The following ERI3 variants were observed in gnomAD, a reference collection of about 807,000 sequenced individuals.
The protein encoded by ERI3 is ERI1 exoribonuclease family member 3, also known as ERI1 exoribonuclease 3.
In ERI3, 18 loss-of-function variants were observed where a neutral mutation model predicts 44.4. That is an observed-to-expected ratio of 0.41 (90% CI 0.28 to 0.60). The LOEUF is 0.60. ERI3 is among the 20% of genes least tolerant of loss of function. The pLI is 0.36. For missense variants in ERI3, 294 were observed against 435.5 expected (o/e 0.68, Z 2.89); for synonymous variants, 183 against 164.8 (o/e 1.11, Z -0.84).
chr1:44,240,463 G>A (rs1644409763), intron 8 of ERI3, among the ~76,000 whole-genome samples: 1 of 152,188 alleles, frequency 6.6e-6, no homozygotes, highest in South Asian at 2.1e-4. Context: ...TGGTGGAATG[G>A]AAGGAAAGCA....
intron 4 of ERI3, among the ~76,000 whole-genome samples, chr1:44,313,666 G>A (rs1366641338): frequency 6.6e-6 from 1 of 152,098 alleles, no homozygotes; most frequent in Admixed American, 6.6e-5. Context: ...ATACAGGAGA[G>A]GCACACTTGG....
intron 5 of ERI3, among the ~76,000 whole-genome samples, chr1:44,312,799 A>G (rs1184056618): frequency 6.6e-6 from 1 of 152,210 alleles, no homozygotes; most frequent in Non-Finnish European, 1.5e-5. Context: ...CTAAAGCTAA[A>G]CAAAAACACC....
In ERI3 at chr1:44,228,149, C is replaced by T. The variant is rs1286012844; in HGVS notation, c.932-6509G>A. On this transcript the variant is annotated intron_variant, in intron 8 of 8. Coordinates refer to ENST00000372257, the MANE Select transcript of ERI3 (RefSeq NM_024066.3). This position sits in a 1 kb window ranked among gnomAD's most constrained non-coding sequence, Gnocchi z 4.3. ...GACACACACTCCCTTCTCCCCACAG[C>T]CATGGCTCCCATAGCTTCCTACCCC... Among the ~76,000 whole-genome samples the T allele has an allele frequency of 1.3e-5, 2 of 151,912 alleles. No homozygotes were observed. The highest frequency in any genetic ancestry group is 2.9e-5 in the Non-Finnish European group (2 of 68,004).
chr1:44,276,624 A>C (rs1368037744), intron 7 of ERI3, among the ~76,000 whole-genome samples: 1 of 152,122 alleles, frequency 6.6e-6, no homozygotes, highest in Non-Finnish European at 1.5e-5. Context: ...CTCTAACCAT[A>C]ATCTCTAATC....
chr1:44,354,946 AG>A lies in ERI3; in HGVS notation c.80del (p.Pro27LeufsTer42). 7.5e-7 allele frequency: 1 copy of A among 1,335,292 alleles called. No individual in the cohort carries two copies. Among genetic ancestry groups the A allele is most frequent in the South Asian group, 2.6e-5 (1 of 38,558 alleles). 82.7% of individuals were successfully genotyped at this position (1,335,292 alleles called of 1,614,324 possible). A position where few individuals can be genotyped will look rare whatever the true frequency, so the allele number is the denominator to read the frequency against. ...TCCAAGTCCAGGGGAGAGTAAGGGG[AG>A]GGGCGGGGGGCCAGGAGACCAGCCC... ...EGGLVSWPPA[P>X]PLTLPWTWMG... is the part of the protein sequence containing the mutation. On this transcript the variant is annotated frameshift_variant, in exon 1 of 9. Coordinates refer to ENST00000372257, the MANE Select transcript of ERI3 (RefSeq NM_024066.3). LOFTEE classifies it high-confidence loss of function.
chr1:44,263,724 C>T (rs325171), intron 7 of ERI3, among the ~76,000 whole-genome samples: 63,901 of 151,958 alleles, frequency 0.42, 15,016 homozygotes, highest in African/African-American at 0.64. Flanking sequence ...TGGTGTCCTC[C>T]CTATTCTATG....
At chr1:44,291,000 G>A (rs1645495706) in intron 6 of ERI3, among the ~76,000 whole-genome samples, 1 of 152,142 alleles carries the variant, frequency 6.6e-6, no homozygotes, top group Non-Finnish European at 1.5e-5. Flanking sequence ...ATCTGCCCGT[G>A]ACACCTTTTA....
At chr1:44,337,178 G>T (rs1646551853) in intron 3 of ERI3, among the ~76,000 whole-genome samples, 2 of 152,162 alleles carry the variant, frequency 1.3e-5, no homozygotes, top group Admixed American at 1.3e-4. Context: ...TAATCTAACT[G>T]AAAAGGTAAG....
In ERI3 at chr1:44,227,604, T is replaced by C. The variant is rs374606210; in HGVS notation, c.932-5964A>G. ...TTATCTGAAATTCAGATTTAACTAG[T>C]GTCCTGTATTATTTGTAACCCTGTA... On this transcript the variant is annotated intron_variant, in intron 8 of 8. Transcript: ENST00000372257. Among the ~76,000 whole-genome samples the C allele has an allele frequency of 1.3e-4, 20 of 152,312 alleles. 1 individual carries two copies. In the East Asian group the frequency reaches 1.9e-3, roughly 15 times the overall value.
At chr1:44,352,411 TA>T (rs1329223853) in intron 2 of ERI3, among the ~76,000 whole-genome samples, 1 of 2,436 alleles carries the variant, frequency 4.1e-4, no homozygotes, top group Non-Finnish European at 1.4e-3. Flanking sequence ...GTCTCATAGA[TA>T]GATAGATAGA....
chr1:44,293,375 G>A (rs1197423503), intron 6 of ERI3, among the ~76,000 whole-genome samples: 1 of 152,214 alleles, frequency 6.6e-6, no homozygotes, highest in African/African-American at 2.4e-5. Flanking sequence ...GTCTTGGGAT[G>A]CCTTGTTGAG....
At chr1:44,225,672 C>T (rs1199105499) in intron 8 of ERI3, among the ~76,000 whole-genome samples, 1 of 152,160 alleles carries the variant, frequency 6.6e-6, no homozygotes, top group African/African-American at 2.4e-5. Context: ...ACAATCTCCA[C>T]ACAGAAGGGT....
intron 3 of ERI3, among the ~76,000 whole-genome samples, chr1:44,331,535 T>G (rs1026058018): frequency 1.3e-5 from 2 of 152,208 alleles, no homozygotes; most frequent in African/African-American, 4.8e-5. Flanking sequence ...AAAATGCTCT[T>G]AAGCCTCTTC....
chr1:44,232,297 T>A (rs1473032714), intron 8 of ERI3, among the ~76,000 whole-genome samples: 1 of 152,128 alleles, frequency 6.6e-6, no homozygotes, highest in Admixed American at 6.5e-5. Flanking sequence ...GGCTGGGAAG[T>A]TGGTAACCGT....
chr1:44,291,110 G>A (rs1019963802), intron 6 of ERI3, among the ~76,000 whole-genome samples: 6 of 152,172 alleles, frequency 3.9e-5, no homozygotes, highest in Non-Finnish European at 7.3e-5. Context: ...AATTTAACCC[G>A]AATTAGTGAG....
chr1:44,284,823 C>CA lies in ERI3; in HGVS notation c.831+11dup. On this transcript the variant is annotated intron_variant, in intron 7 of 8. Coordinates refer to ENST00000372257, the MANE Select transcript of ERI3 (RefSeq NM_024066.3). ...CCAGGGGAAGCACCCAGTTGGGGCTCAGACACAGTACCTTTTTCAGATTAA... is the reference window on the plus strand; with the variant it reads ...CCAGGGGAAGCACCCAGTTGGGGCTCAAGACACAGTACCTTTTTCAGATTAA... 2.5e-6 allele frequency: 4 copies of CA among 1,613,188 alleles called. No homozygotes were observed. Among genetic ancestry groups the CA allele is most frequent in the Non-Finnish European group, 3.4e-6 (4 of 1,179,200 alleles).
rs115830642 is a variant in ERI3, at chr1:44,335,168, C to T, written c.489+3877G>A. On this transcript the variant is annotated intron_variant, in intron 3 of 8. Transcript: ENST00000372257. ...CAGCCTGGGCAACATAGTGAGACCC[C>T]ATCATTATAAAAAATAAACAGAAAA... Among the ~76,000 whole-genome samples the T allele has an allele frequency of 5.0e-3, 761 of 151,772 alleles. 8 individuals carry two copies. Among genetic ancestry groups the T allele is most frequent in the African/African-American group, 0.017 (717 of 41,376 alleles).
At chr1:44,236,354 G>A (rs1644304510) in intron 8 of ERI3, among the ~76,000 whole-genome samples, 1 of 152,144 alleles carries the variant, frequency 6.6e-6, no homozygotes, top group Non-Finnish European at 1.5e-5. Context: ...ATCTAGTGAG[G>A]GAGACAGGCA....
chr1:44,250,622 G>A (rs1028289492), intron 7 of ERI3, among the ~76,000 whole-genome samples: 2 of 152,150 alleles, frequency 1.3e-5, no homozygotes, highest in African/African-American at 4.8e-5. Context: ...GAGATGAATT[G>A]GCGTCTCCAC....
Sources: allele counts gnomAD v4.1 joint callset (sites outside exome capture counted in the v4.1 genomes callset), GRCh38; gene constraint gnomAD v4.1.1; non-coding constraint Gnocchi (gnomAD v3.1); transcripts MANE v1.5; gene names NCBI Gene and HGNC (gene_info 2026-07-23, HGNC 2026-07-21).